MTMR3: variants seen among roughly 807,000 people sequenced by gnomAD.
MTMR3 encodes the protein phosphatidylinositol-3,5-bisphosphate 3-phosphatase MTMR3.
MTMR3 carries 32 observed loss-of-function variants against 132.4 expected under a neutral mutation model. That is an observed-to-expected ratio of 0.24 (90% confidence interval 0.18 to 0.32). The LOEUF is 0.32. Among genes scored for constraint, MTMR3 ranks in the 10% least tolerant of loss-of-function variants. The pLI is 1.00. For missense variants in MTMR3, 1,216 were observed against 1,489.6 expected (o/e 0.82, Z 3.02); for synonymous variants, 556 against 550.3 (o/e 1.01, Z -0.14).
At chr22:29,994,123 C>CT (rs2067015483) in intron 7 of MTMR3, 1 of 985,362 alleles carries the variant, frequency 1.0e-6, no homozygotes, top group East Asian at 1.1e-4. Context: ...TAAGTGCCCC[C>CT]TATGTGCCAT....
At chr22:29,943,085 A>G (rs2065888161) in intron 1 of MTMR3, among the ~76,000 whole-genome samples, 1 of 152,204 alleles carries the variant, frequency 6.6e-6, no homozygotes, top group Non-Finnish European at 1.5e-5. Flanking sequence ...AATTTGGGGA[A>G]CTAATAAATG....
intron 7 of MTMR3, chr22:29,995,054 A>T (rs977658448): frequency 2.6e-5 from 4 of 152,268 alleles, no homozygotes; most frequent in African/African-American, 9.6e-5. Context: ...GGCCTGACAG[A>T]TGACTGGGCA....
At chr22:29,970,951 T>TTCCCCTCTTCCCCCCC in intron 2 of MTMR3, 25 bp from the exon 3 acceptor site, 1 of 680,378 alleles carries the variant, frequency 1.5e-6, no homozygotes, top group East Asian at 4.1e-5. Flanking sequence ...TTTTTCTTCT[T>TTCCCCTCTTCCCCCCC]CCCCCTCTTC....
At chr22:30,014,377 T>C (rs1488963551) in intron 14 of MTMR3, 2 of 152,336 alleles carry the variant, frequency 1.3e-5, no homozygotes, top group Non-Finnish European at 2.9e-5. Flanking sequence ...TTGAAATGCT[T>C]TCTTCAATTG....
At chr22:30,013,658 T>C (rs2067492387) in intron 14 of MTMR3, 117 bp downstream of exon 14, 1 of 1,023,720 alleles carries the variant, frequency 9.8e-7, no homozygotes. Flanking sequence ...GAGGTGATTT[T>C]TTTCCTGTTT....
chr22:29,974,789 G>A (rs746091961), intron 3 of MTMR3, among the ~76,000 whole-genome samples: 1 of 152,184 alleles, frequency 6.6e-6, no homozygotes, highest in Non-Finnish European at 1.5e-5. Context: ...CAGAATAAAA[G>A]TCTAGGCCTT....
intron 3 of MTMR3, among the ~76,000 whole-genome samples, chr22:29,973,392 CCT>C (rs2066572950): frequency 6.6e-6 from 1 of 152,170 alleles, no homozygotes; most frequent in Admixed American, 6.5e-5. Context: ...TTTCATTTGA[CCT>C]CTTTTACCCC....
At chr22:29,991,364 G>A in intron 6 of MTMR3, 140 bp from the exon 7 acceptor site, 1 of 723,380 alleles carries the variant, frequency 1.4e-6, no homozygotes, top group Admixed American at 3.5e-5. Context: ...ATGAGCATGC[G>A]AATGACTGAC....
chr22:30,023,340 G>A, intron 19 of MTMR3: 2 of 1,022,352 alleles, frequency 2.0e-6, no homozygotes, highest in South Asian at 2.6e-5. Context: ...ATTGAAAATG[G>A]AACAGTCTCT....
intron 1 of MTMR3, among the ~76,000 whole-genome samples, chr22:29,954,856 C>T (rs2066157531): frequency 6.6e-6 from 1 of 152,148 alleles, no homozygotes; most frequent in South Asian, 2.1e-4. Context: ...CATATCATAG[C>T]TCGATAACTT....
intron 1 of MTMR3, among the ~76,000 whole-genome samples, chr22:29,923,855 GC>G (rs1569006280): frequency 6.6e-6 from 1 of 152,048 alleles, no homozygotes; most frequent in African/African-American, 2.4e-5. Context: ...ATTTCAAGGG[GC>G]CAAAAAGCCC....
At chr22:29,885,623 T>C (rs1413432101) in intron 1 of MTMR3, among the ~76,000 whole-genome samples, 2 of 152,204 alleles carry the variant, frequency 1.3e-5, no homozygotes, top group African/African-American at 4.8e-5. Flanking sequence ...CCCACCATTA[T>C]GGTTGCTCCT....
chr22:29,890,733 C>G (rs2064780681), intron 1 of MTMR3, among the ~76,000 whole-genome samples: 1 of 152,098 alleles, frequency 6.6e-6, no homozygotes, highest in Non-Finnish European at 1.5e-5. Flanking sequence ...TTTTCAGCAT[C>G]AGGACTTACT....
chr22:29,940,869 G>C (rs2065844008), intron 1 of MTMR3, among the ~76,000 whole-genome samples: 1 of 149,876 alleles, frequency 6.7e-6, no homozygotes, highest in Non-Finnish European at 1.5e-5. Context: ...CCTCCCTTTG[G>C]TTATAAGAGA....
intron 1 of MTMR3, among the ~76,000 whole-genome samples, chr22:29,936,888 A>T (rs1296766290): frequency 1.3e-5 from 2 of 152,156 alleles, no homozygotes; most frequent in Admixed American, 1.3e-4. Flanking sequence ...ATGGCCCCTC[A>T]TGCTATCCAC....
At chr22:29,991,467 TTC>T (rs1472946370) in intron 6 of MTMR3, 35 bp from the exon 7 acceptor site, 2 of 1,558,892 alleles carry the variant, frequency 1.3e-6, no homozygotes, top group East Asian at 4.6e-5. Flanking sequence ...TTCAACTGTC[TTC>T]TGATTACATC....
intron 1 of MTMR3, among the ~76,000 whole-genome samples, chr22:29,906,556 C>T (rs1473698673): frequency 6.6e-6 from 1 of 151,698 alleles, no homozygotes; most frequent in Non-Finnish European, 1.5e-5. Flanking sequence ...GGCTGGTCTC[C>T]AACTCCTGAC....
At chr22:29,928,576 T>C (rs1361339428) in intron 1 of MTMR3, among the ~76,000 whole-genome samples, 2 of 152,230 alleles carry the variant, frequency 1.3e-5, no homozygotes, top group African/African-American at 4.8e-5. Context: ...TTAAATATGC[T>C]GTACATTTAC....
At chr22:29,908,987 T>C (rs550468632) in intron 1 of MTMR3, among the ~76,000 whole-genome samples, 19 of 151,070 alleles carry the variant, frequency 1.3e-4, no homozygotes, top group African/African-American at 4.6e-4. Context: ...CTTTTCTTTT[T>C]TTTTTTTTGA....
Sources: allele counts gnomAD v4.1 joint callset (sites outside exome capture counted in the v4.1 genomes callset), GRCh38; gene constraint gnomAD v4.1.1; transcripts MANE v1.5; gene names NCBI Gene and HGNC (gene_info 2026-07-23, HGNC 2026-07-21).